Variants in NTRK3 observed in about 807,000 individuals in gnomAD.
The protein encoded by NTRK3 is neurotrophic receptor tyrosine kinase 3, also known as NT-3 growth factor receptor.
NTRK3 carries 24 observed loss-of-function variants against 91.7 expected under a neutral mutation model. That is an observed-to-expected ratio of 0.26 (90% CI 0.19 to 0.37). The LOEUF (loss-of-function observed/expected upper bound fraction) is 0.37. NTRK3 is among the 10% of genes least tolerant of loss of function. The pLI, the probability that NTRK3 is intolerant of heterozygous loss-of-function variation, is 1.00. For synonymous variants in NTRK3, 483 were observed against 404.0 expected, an observed-to-expected ratio of 1.20 and a Z score of -2.34; for missense variants, 880 against 1,068.9, an observed-to-expected ratio of 0.82 and a Z score of 2.46.
At chr15:88,204,547 C>G (rs891724144) in intron 3 of NTRK3, among the ~76,000 whole-genome samples, 5 of 152,174 alleles carry the variant, frequency 3.3e-5, no homozygotes, top group Admixed American at 6.5e-5. Context: ...CTCCTTCCAG[C>G]CTTATCACAG....
At chr15:88,077,124 T>A (rs1038166316) in intron 13 of NTRK3, among the ~76,000 whole-genome samples, 1 of 152,030 alleles carries the variant, frequency 6.6e-6, no homozygotes, top group Non-Finnish European at 1.5e-5. Flanking sequence ...TTTTTGAGGA[T>A]GAAACTGCAT....
At chr15:87,917,405 T>G (rs982837500) in intron 17 of NTRK3, among the ~76,000 whole-genome samples, 1 of 152,206 alleles carries the variant, frequency 6.6e-6, no homozygotes, top group African/African-American at 2.4e-5. Flanking sequence ...GCCTGGTCCC[T>G]CAAGGGTGAA....
chr15:88,121,299 C>T (rs2052679832), intron 13 of NTRK3, among the ~76,000 whole-genome samples: 1 of 152,154 alleles, frequency 6.6e-6, no homozygotes, highest in Non-Finnish European at 1.5e-5. Flanking sequence ...TGATGGTGCA[C>T]TATGGATGTG....
chr15:87,944,312 C>T (rs1368368384), intron 14 of NTRK3, among the ~76,000 whole-genome samples: 1 of 152,192 alleles, frequency 6.6e-6, no homozygotes, highest in Non-Finnish European at 1.5e-5. Context: ...AGACTGGAGA[C>T]TCCAGAATAC....
At chr15:88,058,052 G>C (rs2045884076) in intron 13 of NTRK3, among the ~76,000 whole-genome samples, 1 of 152,206 alleles carries the variant, frequency 6.6e-6, no homozygotes, top group Admixed American at 6.5e-5. Flanking sequence ...CTCTCTCTGG[G>C]TGAGATCTCA....
intron 16 of NTRK3, 114 bp downstream of exon 16, chr15:87,932,898 C>T: frequency 9.4e-7 from 1 of 1,068,012 alleles, no homozygotes; most frequent in Non-Finnish European, 1.4e-6. Flanking sequence ...CATCTAATTT[C>T]TCATCCTGAG....
intron 13 of NTRK3, among the ~76,000 whole-genome samples, chr15:88,068,339 G>C (rs1365802834): frequency 6.6e-6 from 1 of 152,172 alleles, no homozygotes; most frequent in Non-Finnish European, 1.5e-5. Context: ...GGCTGAGGAA[G>C]AGAATTGCTT....
intron 13 of NTRK3, among the ~76,000 whole-genome samples, chr15:88,052,527 C>T (rs2045317744): frequency 6.6e-6 from 1 of 152,260 alleles, no homozygotes. Flanking sequence ...CATCTGCTGT[C>T]AGAGGTGTCA....
At chr15:88,249,633 G>A (rs532049669) in intron 3 of NTRK3, among the ~76,000 whole-genome samples, 6 of 152,206 alleles carry the variant, frequency 3.9e-5, no homozygotes, top group East Asian at 1.9e-4. Context: ...ACTTAGAGGC[G>A]GCGGAAATGG....
chr15:88,164,312 T>G (rs2044734400), intron 5 of NTRK3, among the ~76,000 whole-genome samples: 1 of 152,184 alleles, frequency 6.6e-6, no homozygotes, highest in Non-Finnish European at 1.5e-5. Context: ...TTGGTTTACT[T>G]CTCATTCCTA....
exon 19 of NTRK3, chr15:87,873,113 T>C (rs775549751): frequency 1.3e-5 from 3 of 232,610 alleles, no homozygotes; most frequent in Non-Finnish European, 2.6e-5. Context: ...TGTTGGTTTC[T>C]GCAGTATTTA....
At chr15:88,117,178 C>T (rs2052190149) in intron 13 of NTRK3, among the ~76,000 whole-genome samples, 1 of 152,204 alleles carries the variant, frequency 6.6e-6, no homozygotes, top group South Asian at 2.1e-4. Context: ...TGAGAACCAA[C>T]AATTTAGAAT....
At chr15:88,073,580 A>C (rs1597141464) in intron 13 of NTRK3, among the ~76,000 whole-genome samples, 2 of 152,136 alleles carry the variant, frequency 1.3e-5, no homozygotes, top group East Asian at 3.9e-4. Context: ...GAAAACCCAG[A>C]GTGCTTTCCT....
intron 13 of NTRK3, among the ~76,000 whole-genome samples, chr15:88,118,424 G>C (rs2052345055): frequency 6.6e-6 from 1 of 152,070 alleles, no homozygotes; most frequent in Admixed American, 6.6e-5. Flanking sequence ...ACTTTACAGG[G>C]GGTAAAAAAC....
chr15:87,989,316 A>T (rs983127114), intron 14 of NTRK3, among the ~76,000 whole-genome samples: 2 of 152,220 alleles, frequency 1.3e-5, no homozygotes, highest in Admixed American at 6.5e-5. Context: ...TGGAATACTA[A>T]GCAGCCATAA....
chr15:88,048,176 T>C (rs1314351632), intron 13 of NTRK3, among the ~76,000 whole-genome samples: 2 of 152,188 alleles, frequency 1.3e-5, no homozygotes, highest in African/African-American at 4.8e-5. Context: ...AGGGTATAGG[T>C]CAATCAATCT....
intron 13 of NTRK3, among the ~76,000 whole-genome samples, chr15:88,107,047 TATG>T (rs55884075): frequency 0.6 from 90,672 of 151,728 alleles, 28,010 homozygotes; most frequent in African/African-American, 0.75. Context: ...TATTCACACA[TATG>T]ATGCTAACAG....
intron 11 of NTRK3, 40 bp downstream of exon 11, chr15:88,128,671 G>A: frequency 3.7e-6 from 6 of 1,605,820 alleles, no homozygotes; most frequent in Non-Finnish European, 5.1e-6. Context: ...GATAGTATCA[G>A]AATAAATCAG....
At chr15:88,231,221 C>T (rs1342131654) in intron 3 of NTRK3, among the ~76,000 whole-genome samples, 1 of 152,086 alleles carries the variant, frequency 6.6e-6, no homozygotes, top group Middle Eastern at 3.2e-3. Context: ...TTTATTCCAC[C>T]TTAACACCTC....
Sources: allele counts gnomAD v4.1 joint callset (sites outside exome capture counted in the v4.1 genomes callset), GRCh38; gene constraint gnomAD v4.1.1; transcripts MANE v1.5; gene names NCBI Gene and HGNC (gene_info 2026-07-23, HGNC 2026-07-21).